Variants in ERLIN2 observed in about 807,000 individuals in gnomAD.
ERLIN2 encodes the protein erlin-2.
Under a neutral mutation model 41.5 loss-of-function variants are expected in ERLIN2, and 22 were observed. The observed-to-expected ratio is 0.53, with a 90% confidence interval of 0.38 to 0.76. The LOEUF (loss-of-function observed/expected upper bound fraction) is 0.76, where lower values mean the gene tolerates loss of function less well. Among genes scored for constraint, ERLIN2 ranks in the 30% least tolerant of loss-of-function variants. The pLI, the probability that ERLIN2 is intolerant of heterozygous loss-of-function variation, is 0.00. For missense variants in ERLIN2, 247 were observed against 414.3 expected, an observed-to-expected ratio of 0.60 and a Z score of 3.51; for synonymous variants, 149 against 150.9, an observed-to-expected ratio of 0.99 and a Z score of 0.09.
At chr8:37,753,342 G>T in intron 10 of ERLIN2, 108 bp from the exon 11 acceptor site, 1 of 856,932 alleles carries the variant, frequency 1.2e-6, no homozygotes, top group East Asian at 2.6e-5. Context: ...AGGCAATCAG[G>T]GGCGAAGTTC....
chr8:37,748,603 C>T (rs915047024), intron 6 of ERLIN2, among the ~76,000 whole-genome samples: 12 of 152,238 alleles, frequency 7.9e-5, no homozygotes, highest in African/African-American at 2.9e-4. Flanking sequence ...GAGACTTTCT[C>T]TTCCTCAGAG....
At chr8:37,744,441 C>T in intron 5 of ERLIN2, 25 bp downstream of exon 5, 1 of 1,612,214 alleles carries the variant, frequency 6.2e-7, no homozygotes, top group Non-Finnish European at 8.5e-7. Flanking sequence ...TTTATTCCCA[C>T]CACCAGCTCA....
chr8:37,738,164 T>A lies in ERLIN2; in HGVS notation c.107+135T>A, dbSNP rs901037525. Reference sequence around the variant, plus strand: ...ATAGGGGAGCCTTTTCAGATGGAGCTTTTTATGTCAGTAACCACGGGAAAG... The same window carrying A: ...ATAGGGGAGCCTTTTCAGATGGAGCATTTTATGTCAGTAACCACGGGAAAG... On this transcript the variant is annotated intron_variant, in intron 2 of 11. Coordinates refer to ENST00000519638, the MANE Select transcript of ERLIN2 (RefSeq NM_007175.8). 6 of 941,238 alleles carry A rather than the reference T, an allele frequency of 6.4e-6. No homozygotes were observed. The African/African-American group carries it at 9.7e-5, about 15-fold the overall frequency. The allele number at this position is 941,238 out of a possible 1,614,324, so 58.3% of individuals were successfully genotyped here.
At chr8:37,748,882 C>A (rs1367328219) in intron 6 of ERLIN2, among the ~76,000 whole-genome samples, 1 of 152,220 alleles carries the variant, frequency 6.6e-6, no homozygotes. Flanking sequence ...TCAGTTACAG[C>A]TGTTCCTACA....
chr8:37,755,113 T>G lies in ERLIN2; in HGVS notation c.*998T>G, dbSNP rs1563318977. On this transcript the variant is annotated 3_prime_UTR_variant, in exon 12 of 12. Transcript: ENST00000519638. The stretch of plus-strand genomic sequence containing the variant: ...TGGTCTTAATGCCTGTGGCTTGTGC[T>G]GGGAGTGGGTCTGACTTAGTGATAA... The G allele has an allele frequency of 1.3e-5, 2 of 152,306 alleles. No homozygotes were observed. The highest frequency in any genetic ancestry group is 4.8e-5 in the African/African-American group (2 of 41,466). The allele number at this position is 152,306 out of a possible 1,614,324, so 9.4% of individuals were successfully genotyped here.
intron 6 of ERLIN2, chr8:37,745,675 A>G: frequency 6.2e-7 from 1 of 1,611,784 alleles, no homozygotes; most frequent in Non-Finnish European, 8.5e-7. Context: ...AATCATAATT[A>G]AGCAAACCGC....
In ERLIN2 at chr8:37,736,832, CCT is replaced by C; in HGVS notation, c.-16+158_-16+159del. ...AGACAGAAACCCTTTTCTGTCGCGT[CCT>C]CTCCTTGCGAGCCGCAGGGGGACCG... On this transcript the variant is annotated intron_variant, in intron 1 of 11. Coordinates refer to ENST00000519638, the MANE Select transcript of ERLIN2 (RefSeq NM_007175.8). 5.1e-6 allele frequency: 5 copies of C among 985,930 alleles called. No individual in the cohort carries two copies. In the South Asian group the frequency reaches 2.3e-4, roughly 46 times the overall value. 61.1% of individuals were successfully genotyped at this position (985,930 alleles called of 1,614,324 possible). A position where few individuals can be genotyped will look rare whatever the true frequency, so the allele number is the denominator to read the frequency against.
At chr8:37,753,553 A>G in intron 11 of ERLIN2, 24 bp downstream of exon 11, 1 of 1,606,080 alleles carries the variant, frequency 6.2e-7, no homozygotes, top group African/African-American at 1.3e-5. Flanking sequence ...ACAGCCTGAT[A>G]AAAAGGAGTC....
intron 6 of ERLIN2, chr8:37,748,144 A>G (rs1241878258): frequency 6.1e-6 from 4 of 657,734 alleles, no homozygotes; most frequent in Non-Finnish European, 1.1e-5. Context: ...TTTCCATAAC[A>G]TATAAACATC....
In ERLIN2 at chr8:37,737,989, G is replaced by A. The variant is rs754858099; in HGVS notation, c.67G>A (p.Val23Met). The change falls in exon 2 of 12, where the codon GTG becomes ATG. Residue 23 changes from valine to methionine, a missense_variant. Val to Met is a conservative substitution (Grantham distance 21). Coordinates refer to ENST00000519638, the MANE Select transcript of ERLIN2 (RefSeq NM_007175.8). ...SFFCASLFSAVHKIEEGHIGV... is the reference protein window; with the variant it reads ...SFFCASLFSAMHKIEEGHIGV... ...CTTTTGTGCATCTCTCTTCTCAGCTGTGCACAAGATAGAAGAGGGACATAT... is the reference window on the plus strand; with the variant it reads ...CTTTTGTGCATCTCTCTTCTCAGCTATGCACAAGATAGAAGAGGGACATAT... 3.1e-6 allele frequency: 5 copies of A among 1,614,180 alleles called. No individual in the cohort carries two copies. The Admixed American group carries it at 6.7e-5, about 22-fold the overall frequency.
intron 1 of ERLIN2, chr8:37,736,988 G>C (rs1802667489): frequency 1.0e-6 from 1 of 985,878 alleles, no homozygotes; most frequent in Non-Finnish European, 1.2e-6. Context: ...ACTGCAGATC[G>C]GTAGCCGGAG....
In ERLIN2 at chr8:37,744,408, C is replaced by T. The variant is rs996128976; in HGVS notation, c.290C>T (p.Pro97Leu). 8 of 1,613,840 alleles carry T rather than the reference C, an allele frequency of 5.0e-6. No homozygotes were observed. The highest frequency in any genetic ancestry group is 1.3e-5 in the African/African-American group (1 of 74,910). ...DRIEVVNFLV[P>L]NAVYDIVKNY... The stretch of plus-strand genomic sequence containing the variant: ...ATTGAAGTGGTGAACTTCCTGGTCC[C>T]GAACGCAGGTACGTCTTAACAGTTT... The change falls in exon 5 of 12, where the codon CCG (proline) becomes CTG (leucine). Residue 97 changes from proline (P) to leucine (L), a missense_variant. Physicochemically the swap from Pro to Leu is moderately conservative, Grantham distance 98 (BLOSUM62 -3). Around this residue, in one of 3 missense-constraint regions of ERLIN2, gnomAD observed 93 missense variants for 139.0 expected, o/e 0.67. Coordinates refer to ENST00000519638, the MANE Select transcript of ERLIN2 (RefSeq NM_007175.8).
chr8:37,736,837 C>T, intron 1 of ERLIN2, 159 bp downstream of exon 1: 1 of 985,956 alleles, frequency 1.0e-6, no homozygotes, highest in Non-Finnish European at 1.2e-6. Context: ...CGCGTCCTCT[C>T]CTTGCGAGCC....
intron 2 of ERLIN2, among the ~76,000 whole-genome samples, chr8:37,739,964 A>C (rs1312173507): frequency 1.3e-5 from 2 of 151,074 alleles, no homozygotes; most frequent in Non-Finnish European, 1.5e-5. Context: ...CAACCACCAC[A>C]CTCAGCTAAT....
intron 4 of ERLIN2, among the ~76,000 whole-genome samples, chr8:37,743,042 A>C (rs1802910935): frequency 6.6e-6 from 1 of 152,210 alleles, no homozygotes; most frequent in South Asian, 2.1e-4. Context: ...AGTGACAAAG[A>C]ATACCACAAA....
intron 1 of ERLIN2, 30 bp from the exon 2 acceptor site, chr8:37,737,878 C>T (rs754767980): frequency 6.2e-7 from 1 of 1,613,250 alleles, no homozygotes; most frequent in Non-Finnish European, 8.5e-7. Flanking sequence ...CACGTTGGAC[C>T]ACACACATTT....
chr8:37,739,202 T>C (rs575287830), intron 2 of ERLIN2, among the ~76,000 whole-genome samples: 1 of 152,344 alleles, frequency 6.6e-6, no homozygotes, highest in South Asian at 2.1e-4. Context: ...CTGATTGGAA[T>C]TCCTCTCTCC....
At chr8:37,751,743 GTCC>G in intron 10 of ERLIN2, 28 bp downstream of exon 10, 2 of 1,556,460 alleles carry the variant, frequency 1.3e-6, no homozygotes, top group South Asian at 1.1e-5. Flanking sequence ...TCATGCCTGA[GTCC>G]TCCTCAGACC....
chr8:37,748,029 C>G, intron 6 of ERLIN2: 7 of 1,598,032 alleles, frequency 4.4e-6, no homozygotes, highest in Non-Finnish European at 6.0e-6. Context: ...ACCTGAAAAA[C>G]TCTACGCAAA....
Sources: allele counts gnomAD v4.1 joint callset (sites outside exome capture counted in the v4.1 genomes callset), GRCh38; gene constraint gnomAD v4.1.1; regional missense constraint gnomAD v4.1.1; transcripts MANE v1.5; gene names NCBI Gene and HGNC (gene_info 2026-07-23, HGNC 2026-07-21).